Variants in LDLRAP1 observed in about 807,000 individuals in gnomAD.
LDLRAP1 encodes low density lipoprotein receptor adapter protein 1.
LDLRAP1 carries 30 observed loss-of-function variants against 37.8 expected under a neutral mutation model. That is an observed-to-expected ratio of 0.79 (90% CI 0.59 to 1.08). The LOEUF is 1.08. LDLRAP1 is among the 50% of genes least tolerant of loss of function. The pLI is 0.00. For synonymous variants in LDLRAP1, 156 were observed against 169.8 expected, an observed-to-expected ratio of 0.92 and a Z score of 0.63; for missense variants, 375 against 401.6, an observed-to-expected ratio of 0.93 and a Z score of 0.57.
chr1:25,554,796 TA>T lies in LDLRAP1; in HGVS notation c.232-62del. 1 of 1,309,612 alleles carries T rather than the reference TA, an allele frequency of 7.6e-7. No homozygotes were observed. Among genetic ancestry groups the T allele is most frequent in the African/African-American group, 1.4e-5 (1 of 69,224 alleles). The allele number at this position is 1,309,612 out of a possible 1,614,324, so 81.1% of individuals were successfully genotyped here. A position where few individuals can be genotyped will look rare whatever the true frequency, so the allele number is the denominator to read the frequency against. On this transcript the variant is annotated intron_variant, in intron 2 of 8. Coordinates refer to ENST00000374338, the MANE Select transcript of LDLRAP1 (RefSeq NM_015627.3). This position sits in a 1 kb window ranked among gnomAD's most constrained non-coding sequence, Gnocchi z 5.4. Reference sequence around the variant, plus strand: ...CCTGGGGCTTAGGAACAGTGAAGTGTAAGCCATGAGGGTGGGTCTCAAGTGA... The same window carrying T: ...CCTGGGGCTTAGGAACAGTGAAGTGTAGCCATGAGGGTGGGTCTCAAGTGA...
At position 25,566,871 on chromosome 1, in the gene LDLRAP1, C is replaced by G; in HGVS notation, c.806C>G (p.Pro269Arg). The change falls in exon 9 of 9, where the codon CCT becomes CGT. Residue 269 changes from proline to arginine, a missense_variant. Physicochemically the swap from Pro to Arg is moderately radical, Grantham distance 103. Transcript: ENST00000374338. ...AGGCTTGCCCAGTCTCGGACAAACCCTCAGGTCCTGGACACTGGCCTGACA... is the reference window on the plus strand; with the variant it reads ...AGGCTTGCCCAGTCTCGGACAAACCGTCAGGTCCTGGACACTGGCCTGACA... ...FSRLAQSRTN[P>R]QVLDTGLTAQ... 1 of 1,612,174 alleles carries G rather than the reference C, an allele frequency of 6.2e-7. No individual in the cohort carries two copies. Among genetic ancestry groups the G allele is most frequent in the Non-Finnish European group, 8.5e-7 (1 of 1,179,378 alleles).
intron 4 of LDLRAP1, among the ~76,000 whole-genome samples, chr1:25,557,667 C>G (rs767992568): frequency 1.3e-5 from 2 of 152,026 alleles, no homozygotes; most frequent in Non-Finnish European, 2.9e-5. Context: ...AGGCGAGAGC[C>G]GTCAGAGAAC....
the LDLRAP1 span, among the ~76,000 whole-genome samples, chr1:25,581,993 G>C: frequency 6.6e-6 from 1 of 152,146 alleles, no homozygotes; most frequent in African/African-American, 2.4e-5. Flanking sequence ...TGCACAGCTG[G>C]GGGAGGGGCT....
the LDLRAP1 span, among the ~76,000 whole-genome samples, chr1:25,588,585 C>T: frequency 6.6e-6 from 1 of 152,212 alleles, no homozygotes; most frequent in East Asian, 1.9e-4. Flanking sequence ...CCTCTCTCCA[C>T]TATTATCCTA....
At chr1:25,551,695 G>A (rs2044074959) in intron 1 of LDLRAP1, among the ~76,000 whole-genome samples, 1 of 152,134 alleles carries the variant, frequency 6.6e-6, no homozygotes, top group East Asian at 1.9e-4. Context: ...GAATAGGCTT[G>A]TGGTTGATGG....
chr1:25,581,955 G>A, the LDLRAP1 span, among the ~76,000 whole-genome samples: 1 of 152,180 alleles, frequency 6.6e-6, no homozygotes, highest in Admixed American at 6.5e-5. Flanking sequence ...CCTGGGCAAC[G>A]GCCTCATCCC....
chr1:25,548,781 C>T (rs1163683423), intron 1 of LDLRAP1, among the ~76,000 whole-genome samples: 5 of 152,198 alleles, frequency 3.3e-5, no homozygotes, highest in African/African-American at 9.7e-5. Flanking sequence ...TCAAGGGATC[C>T]TCCTGGGTAG....
intron 6 of LDLRAP1, 134 bp downstream of exon 6, chr1:25,563,287 G>T (rs1026250822): frequency 6.0e-6 from 4 of 667,126 alleles, no homozygotes; most frequent in African/African-American, 3.6e-5. Context: ...AATAATACAC[G>T]TTCATTACAG....
At position 25,563,659 on chromosome 1, in the gene LDLRAP1, A is replaced by G. The variant is rs1294326404; in HGVS notation, c.617-2A>G. 6.2e-7 allele frequency: 1 copy of G among 1,613,480 alleles called. No individual in the cohort carries two copies. ...CTGACAACCTGACCGGATCCCTCAC[A>G]GTGGTCGCCACTGGGAACCTGCTGG... On this transcript the variant is annotated splice_acceptor_variant, in intron 6 of 8. Coordinates refer to ENST00000374338, the MANE Select transcript of LDLRAP1 (RefSeq NM_015627.3). LOFTEE classifies it high-confidence loss of function.
At chr1:25,588,146 A>ACCGAGATCACACCACTGCACTCCAGCCC in the LDLRAP1 span, among the ~76,000 whole-genome samples, 1 of 151,916 alleles carries the variant, frequency 6.6e-6, no homozygotes, top group East Asian at 1.9e-4. Flanking sequence ...AACACTGCGG[A>ACCGAGATCACACCACTGCACTCCAGCCC]AGGCCGCAGG....
In LDLRAP1 at chr1:25,565,111, C is replaced by A. The variant is rs548763038; in HGVS notation, c.748-62C>A. On this transcript the variant is annotated intron_variant, in intron 7 of 8. Coordinates refer to ENST00000374338, the MANE Select transcript of LDLRAP1 (RefSeq NM_015627.3). ...TAGCTTACCCAGGGCTGGGACAAGC[C>A]CCAGCTGTGAGCATGGGCTCCCCCA... 458 of 1,583,058 alleles carry A rather than the reference C, an allele frequency of 2.9e-4. 8 individuals carry two copies. The South Asian group carries it at 4.9e-3, about 17-fold the overall frequency.
chr1:25,561,982 G>A (rs906576454), intron 4 of LDLRAP1, among the ~76,000 whole-genome samples: 2 of 152,164 alleles, frequency 1.3e-5, no homozygotes, highest in African/African-American at 4.8e-5. Context: ...GGAGGGGTGA[G>A]GGAGAGTTCC....
In LDLRAP1 at chr1:25,554,834, T is replaced by C; in HGVS notation, c.232-26T>C. On this transcript the variant is annotated intron_variant, in intron 2 of 8. Transcript: ENST00000374338. This position sits in a 1 kb window ranked among gnomAD's most constrained non-coding sequence, Gnocchi z 5.4. ...TGGGTCTCAAGTGAGGCTGGCAGAC[T>C]CCTCTGACTCCTGTCTGCTCCCAAG... 1 of 1,576,862 alleles carries C rather than the reference T, an allele frequency of 6.3e-7. No individual in the cohort carries two copies. Among genetic ancestry groups the C allele is most frequent in the Non-Finnish European group, 8.7e-7 (1 of 1,147,288 alleles).
At chr1:25,570,101 T>C (rs1042181290), downstream of LDLRAP1, among the ~76,000 whole-genome samples, 2 of 152,146 alleles carry the variant, frequency 1.3e-5, no homozygotes, top group African/African-American at 4.8e-5. Context: ...ATTTTAAGCG[T>C]CCAGAACCCA....
rs965136779 is a variant in LDLRAP1 at position 25,554,881 on chromosome 1, C to G, written c.253C>G (p.Leu85Val). 10 of 1,614,044 alleles carry G rather than the reference C, an allele frequency of 6.2e-6. No individual in the cohort carries two copies. Among genetic ancestry groups the G allele is most frequent in the Non-Finnish European group, 8.5e-6 (10 of 1,180,012 alleles). Residue 85 changes from leucine (L) to valine (V), a missense_variant, in exon 3 of 9, where the codon CTG becomes GTG. Leu to Val is a conservative substitution (Grantham distance 32). Coordinates refer to ENST00000374338, the MANE Select transcript of LDLRAP1 (RefSeq NM_015627.3). The surrounding 1 kb of genome is among the most constrained non-coding windows in gnomAD (Gnocchi z 5.4). ...VATAKASGKK[L>V]QKVTLKVSPR... ...CAAGGCTAAGGCCAGTGGGAAGAAG[C>G]TGCAGAAGGTGACTCTGAAGGTGTC...
chr1:25,589,913 C>T, the LDLRAP1 span, among the ~76,000 whole-genome samples: 421 of 152,304 alleles, frequency 2.8e-3, 1 homozygote, highest in Non-Finnish European at 4.8e-3. Flanking sequence ...CCATCCTGGC[C>T]AACATGGTGA....
chr1:25,586,418 A>T, the LDLRAP1 span, among the ~76,000 whole-genome samples: 1 of 152,224 alleles, frequency 6.6e-6, no homozygotes, highest in Admixed American at 6.5e-5. This position sits in a 1 kb window ranked among gnomAD's most constrained non-coding sequence, Gnocchi z 4.3. Context: ...CCCTGCAGAC[A>T]CCAGCGTCCA....
chr1:25,584,031 T>G, the LDLRAP1 span, among the ~76,000 whole-genome samples: 1 of 152,166 alleles, frequency 6.6e-6, no homozygotes, highest in Non-Finnish European at 1.5e-5. Flanking sequence ...AACAGGGGCT[T>G]GACGGGCAAT....
chr1:25,556,949 C>T (rs1432486383), intron 3 of LDLRAP1, among the ~76,000 whole-genome samples: 1 of 152,186 alleles, frequency 6.6e-6, no homozygotes, highest in East Asian at 1.9e-4. Flanking sequence ...TTACCCCATT[C>T]CTTCCTTCCT....
Sources: gnomAD v4.1 joint callset for allele counts (sites outside exome capture counted in the v4.1 genomes callset) on GRCh38, gnomAD v4.1.1 for gene constraint, Gnocchi (gnomAD v3.1) non-coding constraint, MANE v1.5 for transcripts, NCBI Gene and HGNC (gene_info 2026-07-23, HGNC 2026-07-21) for gene names.